The following SYT16 variants were observed in gnomAD, a reference collection of about 807,000 sequenced individuals.
SYT16 encodes synaptotagmin 16, also known as synaptotagmin-16.
In SYT16, 42 loss-of-function variants were observed where a neutral mutation model predicts 61.4. That is an observed-to-expected ratio of 0.68 (90% CI 0.53 to 0.89). The LOEUF (loss-of-function observed/expected upper bound fraction) is 0.89. Ranked by LOEUF, SYT16 falls within the 40% of genes least tolerant of loss-of-function variation. The pLI is 0.00. For missense variants in SYT16, 804 were observed against 807.3 expected (o/e 1.00, Z 0.05); for synonymous variants, 314 against 302.3 (o/e 1.04, Z -0.40).
chr14:62,094,062 G>C (rs1295270485), intron 7 of SYT16, among the ~76,000 whole-genome samples: 1 of 152,094 alleles, frequency 6.6e-6, no homozygotes, highest in African/African-American at 2.4e-5. Context: ...GCTTGGGTGG[G>C]AGTGGTTGAA....
At chr14:62,003,351 G>A (rs1482602839) in intron 3 of SYT16, among the ~76,000 whole-genome samples, 1 of 151,792 alleles carries the variant, frequency 6.6e-6, no homozygotes, top group Non-Finnish European at 1.5e-5. Context: ...TTTCCATTTG[G>A]TTTGTGACTC....
intron 3 of SYT16, among the ~76,000 whole-genome samples, chr14:62,001,375 G>T (rs976558303): frequency 3.9e-5 from 6 of 151,922 alleles, no homozygotes; most frequent in African/African-American, 1.5e-4. Context: ...ATAGAATGTT[G>T]GTTGACAGTC....
chr14:61,890,513 A>C (rs921264941), intron 1 of SYT16, among the ~76,000 whole-genome samples: 1 of 147,962 alleles, frequency 6.8e-6, no homozygotes, highest in African/African-American at 2.5e-5. Flanking sequence ...AAAAAAAAAA[A>C]CACTATACAA....
chr14:62,081,011 C>A lies in SYT16; in HGVS notation c.1171C>A (p.His391Asn). Residue 391 changes from histidine (H) to asparagine (N), a missense_variant, in exon 6 of 8, where the codon CAT (histidine) becomes AAT (asparagine). Transcript: ENST00000683842. ...AAGTGGTGTCAACTCCTGGCAAGTT[C>A]ATGTAGTGCTGCTGCCTGGTAAGAA... ...DRSGVNSWQV[H>N]VVLLPGKKHR... 6.2e-7 allele frequency: 1 copy of A among 1,613,324 alleles called. No individual in the cohort carries two copies. Among genetic ancestry groups the A allele is most frequent in the Non-Finnish European group, 8.5e-7 (1 of 1,179,616 alleles).
chr14:62,038,161 G>A (rs978900574), intron 3 of SYT16, among the ~76,000 whole-genome samples: 10 of 151,840 alleles, frequency 6.6e-5, no homozygotes, highest in African/African-American at 1.9e-4. Context: ...CGGTAGTTTC[G>A]CTTGCAGGCA....
chr14:62,040,125 C>A (rs1444736218), intron 3 of SYT16, among the ~76,000 whole-genome samples: 1 of 152,008 alleles, frequency 6.6e-6, no homozygotes, highest in Non-Finnish European at 1.5e-5. Context: ...TTATCCACCA[C>A]AGCTGCAGGA....
At chr14:61,965,582 C>G (rs1423062233) in intron 1 of SYT16, among the ~76,000 whole-genome samples, 2 of 152,112 alleles carry the variant, frequency 1.3e-5, no homozygotes. Context: ...CTGTTTGTCT[C>G]TGACTCAGAT....
chr14:62,044,719 G>C (rs1354075392), intron 3 of SYT16, among the ~76,000 whole-genome samples: 1 of 152,146 alleles, frequency 6.6e-6, no homozygotes, highest in African/African-American at 2.4e-5. Context: ...CATTTGGATT[G>C]GTTCCAAGTC....
intron 1 of SYT16, among the ~76,000 whole-genome samples, chr14:61,894,227 G>A (rs2048243123): frequency 6.6e-6 from 1 of 151,806 alleles, no homozygotes; most frequent in African/African-American, 2.4e-5. Flanking sequence ...TGAGGTTGCA[G>A]TGAGCAGAGA....
intron 3 of SYT16, among the ~76,000 whole-genome samples, chr14:62,062,441 G>A (rs1346671868): frequency 1.3e-5 from 2 of 152,168 alleles, no homozygotes; most frequent in East Asian, 3.9e-4. Flanking sequence ...TGAAAAGGGT[G>A]CAGAGCCCAG....
intron 3 of SYT16, among the ~76,000 whole-genome samples, chr14:62,061,319 A>C (rs777304616): frequency 2.6e-5 from 4 of 152,168 alleles, no homozygotes; most frequent in Non-Finnish European, 4.4e-5. Flanking sequence ...ACATGCATAA[A>C]GTAGTAAGAG....
intron 2 of SYT16, among the ~76,000 whole-genome samples, chr14:61,988,288 G>A (rs746818591): frequency 6.6e-6 from 1 of 152,124 alleles, no homozygotes; most frequent in Non-Finnish European, 1.5e-5. Flanking sequence ...TATTATGTGT[G>A]TATCTGAAAA....
chr14:62,006,337 C>T (rs1048981399), intron 3 of SYT16, among the ~76,000 whole-genome samples: 5 of 152,086 alleles, frequency 3.3e-5, no homozygotes, highest in African/African-American at 4.8e-5. Context: ...TTAGGAAATA[C>T]GCTAGGGAAA....
At chr14:61,986,266 G>A (rs1443412678) in intron 2 of SYT16, among the ~76,000 whole-genome samples, 1 of 151,802 alleles carries the variant, frequency 6.6e-6, no homozygotes, top group East Asian at 1.9e-4. Context: ...AAATACAGAA[G>A]TAAGCTTTAG....
chr14:61,835,260 T>C, intron 1 of SYT16, among the ~76,000 whole-genome samples: 1 of 119,624 alleles, frequency 8.4e-6, no homozygotes, highest in African/African-American at 3.0e-5. Flanking sequence ...ATTTTTTTTT[T>C]TTTTTTTTTT....
Position 61,996,303 on chromosome 14 carries a change from A to G in SYT16, c.284A>G (p.Asn95Ser), listed in dbSNP as rs745937291. ...GAAGTGGATCATTTCTCATGTTGTA[A>G]TAGTGATTTGCAGGACTCTGCCCAA... ...FLEVDHFSCC[N>S]SDLQDSAQNS... Residue 95 changes from asparagine to serine, a missense_variant, in exon 3 of 8, where the codon AAT (asparagine) becomes AGT (serine). Asn to Ser is a conservative substitution (Grantham distance 46). Coordinates refer to ENST00000683842, the MANE Select transcript of SYT16 (RefSeq NM_001367656.1). 1.2e-6 allele frequency: 2 copies of G among 1,613,526 alleles called. No homozygotes were observed. Among genetic ancestry groups the G allele is most frequent in the Non-Finnish European group, 8.5e-7 (1 of 1,179,602 alleles).
At chr14:62,082,171 C>G (rs1031223833) in intron 6 of SYT16, among the ~76,000 whole-genome samples, 1 of 152,106 alleles carries the variant, frequency 6.6e-6, no homozygotes, top group African/African-American at 2.4e-5. Context: ...ACAGAGTGAA[C>G]AGCACATGCA....
At chr14:62,052,166 T>G (rs1021180895) in intron 3 of SYT16, among the ~76,000 whole-genome samples, 3 of 152,180 alleles carry the variant, frequency 2.0e-5, no homozygotes, top group African/African-American at 7.2e-5. Context: ...ATCATATTAG[T>G]TTTTCAATCT....
chr14:61,964,456 T>C (rs2051231004), intron 1 of SYT16, among the ~76,000 whole-genome samples: 1 of 152,190 alleles, frequency 6.6e-6, no homozygotes, highest in Admixed American at 6.6e-5. Flanking sequence ...AAATGGAGCC[T>C]AACGATGTGA....
Sources: gnomAD v4.1 joint callset for allele counts (sites outside exome capture counted in the v4.1 genomes callset) on GRCh38, gnomAD v4.1.1 for gene constraint, MANE v1.5 for transcripts, NCBI Gene and HGNC (gene_info 2026-07-23, HGNC 2026-07-21) for gene names.